The following ARL13B variants were observed in gnomAD, a reference collection of about 807,000 sequenced individuals.
The protein encoded by ARL13B is ARF like GTPase 13B.
Under a neutral mutation model 56.1 loss-of-function variants are expected in ARL13B, and 36 were observed. The ratio of observed to expected loss-of-function variants is 0.64; its 90% CI spans 0.49 to 0.85. ARL13B has a LOEUF of 0.85. Ranked by LOEUF, ARL13B falls within the 40% of genes least tolerant of loss-of-function variation. The probability of loss-of-function intolerance (pLI) is 0.00; values close to 1 mark genes in which losing one functional copy is unlikely to be tolerated. For synonymous variants in ARL13B, 178 were observed against 171.1 expected (o/e 1.04, Z -0.32); for missense variants, 519 against 507.1 (o/e 1.02, Z -0.23).
intron 5 of ARL13B, 88 bp from the exon 6 acceptor site, chr3:94,039,792 G>A: frequency 9.2e-7 from 1 of 1,092,738 alleles, no homozygotes; most frequent in Non-Finnish European, 1.4e-6. Context: ...ATTACTACAT[G>A]TAATAGCCTT....
chr3:94,001,572 A>G (rs1318950793), intron 2 of ARL13B, among the ~76,000 whole-genome samples: 1 of 151,876 alleles, frequency 6.6e-6, no homozygotes, highest in Non-Finnish European at 1.5e-5. Context: ...CCTACACACT[A>G]TCGTCTCTAG....
chr3:94,011,112 T>G (rs574160963), intron 3 of ARL13B, among the ~76,000 whole-genome samples: 114 of 152,272 alleles, frequency 7.5e-4, no homozygotes, highest in African/African-American at 2.7e-3. Flanking sequence ...TTTTGTGATA[T>G]TTTATAAATT....
At position 94,053,673 on chromosome 3, in the gene ARL13B, C is replaced by G. The variant is rs2077101417; in HGVS notation, c.*410C>G. ...AAGATATATGCACATAGAAGGGGGA[C>G]TTCTAGGAATTTATAACCAAAATTT... is the stretch of plus-strand genomic sequence containing the variant. On this transcript the variant is annotated 3_prime_UTR_variant, in exon 10 of 10. Transcript: ENST00000394222. 3.1e-6 allele frequency: 1 copy of G among 319,270 alleles called. No individual in the cohort carries two copies. The highest frequency in any genetic ancestry group is 2.6e-5 in the South Asian group (1 of 37,942). 19.8% of individuals were successfully genotyped at this position (319,270 alleles called of 1,614,324 possible).
chr3:93,983,547 A>G (rs1376938582), intron 1 of ARL13B, among the ~76,000 whole-genome samples: 3 of 152,164 alleles, frequency 2.0e-5, no homozygotes, highest in African/African-American at 7.2e-5. Context: ...ACTCCTACCA[A>G]CAGTACGTTG....
In ARL13B at chr3:94,043,015, A is replaced by G; in HGVS notation, c.799A>G (p.Asn267Asp). 3.7e-6 allele frequency: 6 copies of G among 1,602,624 alleles called. No homozygotes were observed. Among genetic ancestry groups the G allele is most frequent in the Non-Finnish European group, 5.1e-6 (6 of 1,174,234 alleles). Residue 267 changes from asparagine to aspartate, a missense_variant and splice_region_variant, in exon 7 of 10, where the codon AAT becomes GAT. Asn to Asp is a conservative substitution (Grantham distance 23). Coordinates refer to ENST00000394222, the MANE Select transcript of ARL13B (RefSeq NM_001174150.2). ...GATAATGTATTTTATTTTTTGTTAGAATGAAGGAAAACTTGAAAGAGAGAA... is the reference window on the plus strand; with the variant it reads ...GATAATGTATTTTATTTTTTGTTAGGATGAAGGAAAACTTGAAAGAGAGAA... ...FQPIASVIIE[N>D]EGKLEREKKN... is the part of the protein sequence containing the mutation.
intron 3 of ARL13B, among the ~76,000 whole-genome samples, chr3:94,034,361 A>G (rs2076731165): frequency 6.6e-6 from 1 of 152,136 alleles, no homozygotes; most frequent in Non-Finnish European, 1.5e-5. Flanking sequence ...GAGTCTGTCA[A>G]ACTTTGAGCA....
intron 3 of ARL13B, among the ~76,000 whole-genome samples, chr3:94,015,681 T>A (rs1010079243): frequency 6.6e-6 from 1 of 152,164 alleles, no homozygotes; most frequent in Non-Finnish European, 1.5e-5. Context: ...TCCGGTTAAT[T>A]TGGCCAATGT....
intron 3 of ARL13B, among the ~76,000 whole-genome samples, chr3:94,005,613 CATAGTT>C (rs1453150330): frequency 6.6e-6 from 1 of 152,156 alleles, no homozygotes; most frequent in Non-Finnish European, 1.5e-5. Context: ...ATTATAAACT[CATAGTT>C]AGTGAGAATT....
chr3:94,013,132 A>G (rs941448360), intron 3 of ARL13B, among the ~76,000 whole-genome samples: 3 of 151,938 alleles, frequency 2.0e-5, no homozygotes, highest in Non-Finnish European at 4.4e-5. Context: ...GGGTCTTTGT[A>G]CTATTTGTTT....
At chr3:94,022,907 A>G (rs1460729012) in intron 3 of ARL13B, among the ~76,000 whole-genome samples, 1 of 152,048 alleles carries the variant, frequency 6.6e-6, no homozygotes, top group Non-Finnish European at 1.5e-5. Context: ...AATTCATTCT[A>G]AAACTGAAGT....
intron 3 of ARL13B, among the ~76,000 whole-genome samples, chr3:94,031,453 T>C (rs2076676273): frequency 1.3e-5 from 2 of 152,254 alleles, no homozygotes; most frequent in African/African-American, 2.4e-5. Context: ...TGATTGCAAG[T>C]CTGGAACCTT....
At chr3:94,035,849 A>T (rs907810053) in intron 4 of ARL13B, among the ~76,000 whole-genome samples, 5 of 152,168 alleles carry the variant, frequency 3.3e-5, no homozygotes, top group African/African-American at 4.8e-5. Context: ...AAGGGGGCAG[A>T]TTGCTTGAGC....
chr3:94,052,715 T>C (rs1385956599), intron 9 of ARL13B, among the ~76,000 whole-genome samples: 1 of 152,152 alleles, frequency 6.6e-6, no homozygotes, highest in African/African-American at 2.4e-5. Context: ...AAGAAATGCT[T>C]TTATTTTTAA....
chr3:94,042,841 A>G (rs2076885810), intron 6 of ARL13B, among the ~76,000 whole-genome samples, 174 bp from the exon 7 acceptor site: 1 of 152,162 alleles, frequency 6.6e-6, no homozygotes, highest in Non-Finnish European at 1.5e-5. Flanking sequence ...GTTTTACTGA[A>G]TGTTTGACAT....
At chr3:94,013,404 A>G (rs563805307) in intron 3 of ARL13B, among the ~76,000 whole-genome samples, 2 of 152,362 alleles carry the variant, frequency 1.3e-5, no homozygotes, top group African/African-American at 2.4e-5. Flanking sequence ...AGCTTATAGT[A>G]TAGTATAGCA....
chr3:94,023,851 T>G (rs1408779030), intron 3 of ARL13B, among the ~76,000 whole-genome samples: 1 of 152,150 alleles, frequency 6.6e-6, no homozygotes, highest in African/African-American at 2.4e-5. Context: ...GGAGATAATA[T>G]AGCATATAGG....
intron 3 of ARL13B, among the ~76,000 whole-genome samples, chr3:94,032,964 A>G (rs2107097469): frequency 6.6e-6 from 1 of 152,360 alleles, no homozygotes; most frequent in Admixed American, 6.5e-5. Flanking sequence ...GAGTCAACCT[A>G]AATGTCCTTC....
intron 3 of ARL13B, among the ~76,000 whole-genome samples, chr3:94,013,729 G>A (rs1011026845): frequency 3.9e-5 from 6 of 152,138 alleles, no homozygotes; most frequent in African/African-American, 1.2e-4. Context: ...GCGGATCACT[G>A]GAGGTCAGGA....
intron 3 of ARL13B, among the ~76,000 whole-genome samples, chr3:94,027,865 A>AT (rs1252581186): frequency 6.6e-6 from 1 of 152,018 alleles, no homozygotes; most frequent in African/African-American, 2.4e-5. Flanking sequence ...TTATTTTCTC[A>AT]TTTTTTCAAT....
Sources: gnomAD v4.1 joint callset for allele counts (sites outside exome capture counted in the v4.1 genomes callset) on GRCh38, gnomAD v4.1.1 for gene constraint, MANE v1.5 for transcripts, NCBI Gene and HGNC (gene_info 2026-07-23, HGNC 2026-07-21) for gene names.